The following SCAPER variants were observed in gnomAD, a reference collection of about 807,000 sequenced individuals.
SCAPER encodes S phase cyclin A-associated protein in the endoplasmic reticulum.
Under a neutral mutation model 182.2 loss-of-function variants are expected in SCAPER, and 98 were observed. The observed-to-expected ratio is 0.54, with a 90% CI of 0.46 to 0.64. The LOEUF (loss-of-function observed/expected upper bound fraction) is 0.64, where lower values mean the gene tolerates loss of function less well. Among genes scored for constraint, SCAPER ranks in the 30% least tolerant of loss-of-function variants. The pLI is 0.00. For synonymous variants in SCAPER, 605 were observed against 564.6 expected, an observed-to-expected ratio of 1.07 and a Z score of -1.01; for missense variants, 1,432 against 1,690.0, an observed-to-expected ratio of 0.85 and a Z score of 2.68.
intron 25 of SCAPER, among the ~76,000 whole-genome samples, chr15:76,459,164 T>C (rs774969725): frequency 3.9e-4 from 60 of 152,290 alleles, no homozygotes; most frequent in Non-Finnish European, 6.2e-4. Context: ...ATTGCTGGGA[T>C]TGCAGGAATG....
intron 29 of SCAPER, among the ~76,000 whole-genome samples, chr15:76,362,858 T>C (rs1473931984): frequency 6.6e-6 from 1 of 152,228 alleles, no homozygotes; most frequent in Non-Finnish European, 1.5e-5. Flanking sequence ...TTTACCTACT[T>C]ACACTCTGCC....
intron 21 of SCAPER, among the ~76,000 whole-genome samples, chr15:76,633,815 G>A (rs2053364191): frequency 6.6e-6 from 1 of 152,242 alleles, no homozygotes. Context: ...CACAGTGATG[G>A]TGGTCACCCC....
chr15:76,731,587 T>C (rs967505126), intron 16 of SCAPER, among the ~76,000 whole-genome samples: 1 of 152,242 alleles, frequency 6.6e-6, no homozygotes, highest in Non-Finnish European at 1.5e-5. Flanking sequence ...ATTTACAGAA[T>C]ACTTGGCACT....
intron 21 of SCAPER, among the ~76,000 whole-genome samples, chr15:76,627,056 T>C (rs1275518320): frequency 6.6e-6 from 1 of 152,172 alleles, no homozygotes; most frequent in Admixed American, 6.5e-5. Flanking sequence ...CAGATGCTTG[T>C]CTACTTTGGT....
At chr15:76,775,535 C>G (rs1335511578) in intron 8 of SCAPER, among the ~76,000 whole-genome samples, 9 of 152,066 alleles carry the variant, frequency 5.9e-5, no homozygotes, top group Admixed American at 5.2e-4. Flanking sequence ...AGATCACGCA[C>G]AGAGTAAAGG....
chr15:76,490,969 A>G (rs982020308), intron 24 of SCAPER, among the ~76,000 whole-genome samples: 3 of 152,144 alleles, frequency 2.0e-5, no homozygotes, highest in Admixed American at 6.5e-5. Context: ...TCTGTTAATG[A>G]TGTTTCTCCC....
At chr15:76,403,233 GTGTT>G (rs2044593068) in intron 27 of SCAPER, among the ~76,000 whole-genome samples, 1 of 152,226 alleles carries the variant, frequency 6.6e-6, no homozygotes, top group Non-Finnish European at 1.5e-5. Context: ...CAGATGGACA[GTGTT>G]TGGTATGCCA....
At chr15:76,491,361 T>C (rs1282280690) in intron 24 of SCAPER, among the ~76,000 whole-genome samples, 2 of 152,216 alleles carry the variant, frequency 1.3e-5, no homozygotes, top group Non-Finnish European at 2.9e-5. Flanking sequence ...TTTGGGTGAT[T>C]ATGCATAAAA....
intron 2 of SCAPER, among the ~76,000 whole-genome samples, chr15:76,873,684 C>T (rs1043274074): frequency 2.0e-5 from 3 of 152,066 alleles, no homozygotes; most frequent in Admixed American, 6.5e-5. Flanking sequence ...ATTTGAACAA[C>T]ATAATTAACA....
chr15:76,896,779 C>T (rs1291773978), intron 1 of SCAPER, among the ~76,000 whole-genome samples: 3 of 151,982 alleles, frequency 2.0e-5, no homozygotes, highest in Admixed American at 6.6e-5. Context: ...TACCAGCAAT[C>T]CAACAAAAAT....
chr15:76,800,304 A>G lies in SCAPER; in HGVS notation c.555T>C (p.Ser185=). The G allele has an allele frequency of 6.2e-7, 1 of 1,613,456 alleles. No homozygotes were observed. The highest frequency in any genetic ancestry group is 1.3e-5 in the African/African-American group (1 of 74,988). ...KMSPGRHVIP[S]PSTDRINVTS... is the part of the protein sequence containing the mutation. ...TTACATTTATTCTATCTGTTGATGG[A>G]CTTGGAATCACATGGCGTCCCGGAG... Residue 185 remains serine, a synonymous_variant, in exon 7 of 32, where the codon AGT becomes AGC. Transcript: ENST00000563290.
chr15:76,523,777 T>A (rs542861621), intron 23 of SCAPER, among the ~76,000 whole-genome samples: 3 of 152,220 alleles, frequency 2.0e-5, no homozygotes, highest in African/African-American at 7.2e-5. Context: ...CTGCAGCATG[T>A]TTCCATGTAT....
chr15:76,657,588 C>CAAAAAAAAAAAAAAAAAAAAAAAAAAA (rs35243291), intron 21 of SCAPER, among the ~76,000 whole-genome samples: 1 of 129,860 alleles, frequency 7.7e-6, no homozygotes. Flanking sequence ...GACACAACAA[C>CAAAAAAAAAAAAAAAAAAAAAAAAAAA]AAAAAAAAAA....
intron 23 of SCAPER, among the ~76,000 whole-genome samples, chr15:76,550,466 T>C (rs2045665373): frequency 6.6e-6 from 1 of 152,184 alleles, no homozygotes; most frequent in South Asian, 2.1e-4. Context: ...GTGCCTATGT[T>C]AGTTTGCTGA....
chr15:76,724,824 C>T (rs2060485811), intron 17 of SCAPER, among the ~76,000 whole-genome samples: 2 of 152,060 alleles, frequency 1.3e-5, no homozygotes, highest in East Asian at 1.9e-4. Flanking sequence ...GTTATCCATT[C>T]GTCTAATTTT....
At chr15:76,749,938 A>G (rs1403454064) in intron 15 of SCAPER, among the ~76,000 whole-genome samples, 2 of 152,004 alleles carry the variant, frequency 1.3e-5, no homozygotes, top group Non-Finnish European at 2.9e-5. Flanking sequence ...AGCTCAGAAA[A>G]AAAACAACAA....
At chr15:76,366,086 T>TACACAC (rs59741618) in intron 29 of SCAPER, among the ~76,000 whole-genome samples, 1,605 of 149,508 alleles carry the variant, frequency 0.011, 24 homozygotes, top group African/African-American at 0.032. Context: ...CTTACACACT[T>TACACAC]ACACACACAC....
chr15:76,459,782 C>A (rs1340952428), intron 25 of SCAPER, among the ~76,000 whole-genome samples: 2 of 152,062 alleles, frequency 1.3e-5, no homozygotes, highest in Admixed American at 6.6e-5. Context: ...CTTATGTTTT[C>A]TTCTAGCAGT....
intron 7 of SCAPER, among the ~76,000 whole-genome samples, chr15:76,795,725 C>G (rs1428975413): frequency 6.6e-6 from 1 of 152,046 alleles, no homozygotes; most frequent in Non-Finnish European, 1.5e-5. Context: ...AAAAATTATG[C>G]ATAGGTACCT....
Sources: allele counts gnomAD v4.1 joint callset (sites outside exome capture counted in the v4.1 genomes callset), GRCh38; gene constraint gnomAD v4.1.1; transcripts MANE v1.5; gene names NCBI Gene and HGNC (gene_info 2026-07-23, HGNC 2026-07-21).